The following PAPLN variants were observed in gnomAD, a reference collection of about 807,000 sequenced individuals.
PAPLN encodes the protein papilin.
PAPLN carries 146 observed loss-of-function variants against 159.0 expected under a neutral mutation model. The ratio of observed to expected loss-of-function variants is 0.92; its 90% CI spans 0.80 to 1.05. PAPLN has a LOEUF of 1.05. PAPLN is among the 50% of genes least tolerant of loss of function. PAPLN has a pLI of 0.00. For synonymous variants in PAPLN, 734 were observed against 702.9 expected (o/e 1.04, Z -0.70); for missense variants, 1,720 against 1,743.9 (o/e 0.99, Z 0.24).
At chr14:73,236,963 A>G (rs111658841), upstream of PAPLN, among the ~76,000 whole-genome samples, 4,104 of 144,816 alleles carry the variant, frequency 0.028, 1 homozygote, top group South Asian at 0.078. Context: ...GAAAGAAAGA[A>G]AAGAGGAAGG....
intron 17 of PAPLN, 36 bp downstream of exon 17, chr14:73,260,865 C>T: frequency 6.7e-7 from 1 of 1,493,946 alleles, no homozygotes. Flanking sequence ...AGCAGGGGGC[C>T]AGCCCGTGAG....
chr14:73,267,123 T>C (rs1415236948), intron 25 of PAPLN, among the ~76,000 whole-genome samples: 3 of 152,162 alleles, frequency 2.0e-5, no homozygotes, highest in Non-Finnish European at 2.9e-5. Flanking sequence ...GCAGGATGTT[T>C]AGCAGCATCC....
At chr14:73,256,898 TA>T (rs61367540) in intron 14 of PAPLN, among the ~76,000 whole-genome samples, 14,855 of 150,760 alleles carry the variant, frequency 0.099, 880 homozygotes, top group South Asian at 0.22. Context: ...ATAAAAAGAT[TA>T]AAAAAAAAAA....
rs755477969 is a variant in PAPLN at position 73,254,584 on chromosome 14, C to T, written c.1374C>T (p.Leu458=). Residue 458 remains leucine (L), a synonymous_variant, in exon 13 of 27, where the codon CTC becomes CTT. Transcript: ENST00000644200. ...VTCRGERGSL[L]HTAACSLEDR... ...GCCGGGGTGAAAGGGGTTCTTTGCT[C>T]CATACCGCAGCGTGCTCCTTGGAAG... The T allele has an allele frequency of 8.7e-5, 141 of 1,613,934 alleles. No individual in the cohort carries two copies. Among genetic ancestry groups the T allele is most frequent in the Non-Finnish European group, 1.2e-4 (139 of 1,179,938 alleles).
chr14:73,259,942 T>C (rs1044254391), intron 16 of PAPLN, among the ~76,000 whole-genome samples: 1 of 152,158 alleles, frequency 6.6e-6, no homozygotes, highest in Non-Finnish European at 1.5e-5. Context: ...TCCCGCCTTA[T>C]GGAATGGGTC....
intron 14 of PAPLN, among the ~76,000 whole-genome samples, chr14:73,255,472 AG>A (rs1885800785): frequency 6.6e-6 from 1 of 152,150 alleles, no homozygotes. Flanking sequence ...CTGTGTGCTG[AG>A]GGAAGGAGGC....
chr14:73,268,165 G>C (rs1195519500), intron 25 of PAPLN, among the ~76,000 whole-genome samples: 1 of 151,974 alleles, frequency 6.6e-6, no homozygotes, highest in Non-Finnish European at 1.5e-5. Context: ...GCCTGTCCTT[G>C]GTTTCTCCCC....
Position 73,245,956 on chromosome 14 carries a change from C to T in PAPLN, c.232-117C>T. ...TCCGGGGGGCGGACTCCACCTCCGG[C>T]GGCTCCGATGGGGCAGGCAAGGGAG... On this transcript the variant is annotated intron_variant, in intron 4 of 26. Transcript: ENST00000644200. The surrounding 1 kb of genome is among the most constrained non-coding windows in gnomAD (Gnocchi z 4.2). The T allele has an allele frequency of 3.7e-6, 4 of 1,079,394 alleles. No homozygotes were observed. Among genetic ancestry groups the T allele is most frequent in the East Asian group, 2.7e-5 (1 of 36,640 alleles). 66.9% of individuals were successfully genotyped at this position (1,079,394 alleles called of 1,614,324 possible).
chr14:73,262,482 A>G lies in PAPLN; in HGVS notation c.2378A>G (p.Asn793Ser). The G allele has an allele frequency of 6.2e-7, 1 of 1,603,922 alleles. No individual in the cohort carries two copies. The highest frequency in any genetic ancestry group is 8.5e-7 in the Non-Finnish European group (1 of 1,175,010). The stretch of plus-strand genomic sequence containing the variant: ...GGCGGCTGCCATGGCAATGCCAATA[A>G]CTTTGCCTCGGAGCAAGAGTGCATG... Reference protein sequence around the residue: ...WYGGCHGNANNFASEQECMSS... With the variant: ...WYGGCHGNANSFASEQECMSS... Residue 793 changes from asparagine (N) to serine (S), a missense_variant, in exon 19 of 27, where the codon AAC becomes AGC. Transcript: ENST00000644200.
At chr14:73,262,994 G>A in intron 19 of PAPLN, 167 bp downstream of exon 19, 1 of 561,134 alleles carries the variant, frequency 1.8e-6, no homozygotes, top group Non-Finnish European at 2.8e-6. Flanking sequence ...TACAGATGGA[G>A]AAGCTGGGGC....
intron 26 of PAPLN, 143 bp downstream of exon 26, chr14:73,268,866 GGGGCTTAC>G: frequency 9.6e-7 from 1 of 1,040,866 alleles, no homozygotes; most frequent in Non-Finnish European, 1.3e-6. Context: ...CTTGGGGCAA[GGGGCTTAC>G]CTTCCTGAGC....
chr14:73,259,019 C>A lies in PAPLN; in HGVS notation c.1668C>A (p.Asn556Lys), dbSNP rs775601253. The change falls in exon 15 of 27, where the codon AAC becomes AAA. Residue 556 changes from asparagine (N) to lysine (K), a missense_variant. By Grantham distance (94) the Asn-to-Lys change is moderately conservative. Transcript: ENST00000644200. ...AGGATGTGCACACCCCTGCCAGCAA[C>A]CCCTGGATGCCGTTGGGCCCTCAGG... ...SMQDVHTPAS[N>K]PWMPLGPQES... 1.1e-4 allele frequency: 173 copies of A among 1,612,788 alleles called. No homozygotes were observed. Among genetic ancestry groups the A allele is most frequent in the Non-Finnish European group, 1.4e-4 (168 of 1,179,532 alleles).
chr14:73,254,682 G>A lies in PAPLN; in HGVS notation c.1472G>A (p.Gly491Asp), dbSNP rs757229829. 3 of 1,613,612 alleles carry A rather than the reference G, an allele frequency of 1.9e-6. No homozygotes were observed. The African/African-American group carries it at 4.0e-5, about 22-fold the overall frequency. ...PLLSDQAWHV[G>D]TWGLCSKSCS... ...CTCAGTGACCAGGCCTGGCATGTTGGCACCTGGGGTCTAGTGAGTGCTCTC... is the reference window on the plus strand; with the variant it reads ...CTCAGTGACCAGGCCTGGCATGTTGACACCTGGGGTCTAGTGAGTGCTCTC... The change falls in exon 13 of 27, where the codon GGC becomes GAC. Residue 491 changes from glycine to aspartate, a missense_variant. Gly to Asp is a moderately conservative substitution (Grantham distance 94). Coordinates refer to ENST00000644200, the MANE Select transcript of PAPLN (RefSeq NM_001365906.3).
chr14:73,236,765 A>G (rs569961681), upstream of PAPLN, among the ~76,000 whole-genome samples: 3 of 151,682 alleles, frequency 2.0e-5, no homozygotes, highest in African/African-American at 7.3e-5. Flanking sequence ...GCAGTGAGCC[A>G]AGATCTAGCC....
intron 5 of PAPLN, among the ~76,000 whole-genome samples, chr14:73,247,391 G>A (rs1318549596): frequency 6.6e-6 from 1 of 152,212 alleles, no homozygotes. Context: ...CCCTGCTTGC[G>A]GCAAATGACC....
chr14:73,264,279 G>A lies in PAPLN; in HGVS notation c.2930G>A (p.Ser977Asn). 6.2e-7 allele frequency: 1 copy of A among 1,613,998 alleles called. No homozygotes were observed. The highest frequency in any genetic ancestry group is 8.5e-7 in the Non-Finnish European group (1 of 1,180,022). Residue 977 changes from serine to asparagine, a missense_variant, in exon 21 of 27, where the codon AGC (serine) becomes AAC (asparagine). By Grantham distance (46) the Ser-to-Asn change is conservative. Coordinates refer to ENST00000644200, the MANE Select transcript of PAPLN (RefSeq NM_001365906.3). ...PLQAEDAGTY[S>N]CGSTRPGRDS... ...CAGGCAGAGGACGCGGGCACCTACA[G>A]CTGTGGCAGCACCCGGCCAGGCCGC...
At chr14:73,258,029 T>C (rs1886125550) in intron 14 of PAPLN, among the ~76,000 whole-genome samples, 2 of 152,304 alleles carry the variant, frequency 1.3e-5, no homozygotes, top group South Asian at 4.1e-4. Flanking sequence ...CCTCCCAAAG[T>C]GCTGGGATTG....
At chr14:73,255,229 C>T (rs561209859) in intron 14 of PAPLN, among the ~76,000 whole-genome samples, 5 of 152,344 alleles carry the variant, frequency 3.3e-5, no homozygotes, top group African/African-American at 1.2e-4. Flanking sequence ...TTCCTCCACT[C>T]AGCGGTAGCA....
At chr14:73,247,915 TGTGTGTGTG>T in intron 5 of PAPLN, among the ~76,000 whole-genome samples, 1 of 131,978 alleles carries the variant, frequency 7.6e-6, no homozygotes, top group Admixed American at 7.5e-5. Flanking sequence ...TGTGTGTGTG[TGTGTGTGTG>T]TGTGTGTGTG....
Sources: allele counts gnomAD v4.1 joint callset (sites outside exome capture counted in the v4.1 genomes callset), GRCh38; gene constraint gnomAD v4.1.1; non-coding constraint Gnocchi (gnomAD v3.1); transcripts MANE v1.5; gene names NCBI Gene and HGNC (gene_info 2026-07-23, HGNC 2026-07-21).